The following MARCHF1 variants were observed in gnomAD, a reference collection of about 807,000 sequenced individuals.
MARCHF1 encodes E3 ubiquitin-protein ligase MARCHF1.
Under a neutral mutation model 54.2 loss-of-function variants are expected in MARCHF1, and 40 were observed. The ratio of observed to expected loss-of-function variants is 0.74; its 90% CI spans 0.57 to 0.96. The LOEUF (loss-of-function observed/expected upper bound fraction) is 0.96. Ranked by LOEUF, MARCHF1 falls within the 40% of genes least tolerant of loss-of-function variation. The pLI is 0.00. For synonymous variants in MARCHF1, 236 were observed against 236.3 expected (o/e 1.00, Z 0.01); for missense variants, 586 against 656.5 (o/e 0.89, Z 1.17).
chr4:164,351,863 A>C (rs1730349703), intron 1 of MARCHF1, among the ~76,000 whole-genome samples: 1 of 151,784 alleles, frequency 6.6e-6, no homozygotes, highest in Non-Finnish European at 1.5e-5. Flanking sequence ...AAAACTTTGA[A>C]AAAAATTTAG....
At chr4:164,114,883 C>G (rs934161438) in intron 1 of MARCHF1, among the ~76,000 whole-genome samples, 1 of 151,252 alleles carries the variant, frequency 6.6e-6, no homozygotes, top group Non-Finnish European at 1.5e-5. Flanking sequence ...GATGGAATGG[C>G]ACATGAAATT....
intron 7 of MARCHF1, among the ~76,000 whole-genome samples, chr4:163,593,170 A>G (rs1191533860): frequency 6.6e-6 from 1 of 152,194 alleles, no homozygotes; most frequent in Admixed American, 6.6e-5. Context: ...GTAAATAGAT[A>G]ATATATATTG....
At position 163,846,183 on chromosome 4, in the gene MARCHF1, A is replaced by C. The variant is rs550869563; in HGVS notation, c.111+7838T>G. On this transcript the variant is annotated intron_variant, in intron 4 of 9. Coordinates refer to ENST00000514618, the MANE Select transcript of MARCHF1 (RefSeq NM_001394959.1). The stretch of plus-strand genomic sequence containing the variant: ...AGAATTAAAAGGAGGGAGAAAAATG[A>C]GGAACCGCAACTGAAAACTCTATCT... 2.5e-3 allele frequency among the ~76,000 whole-genome samples: 387 copies of C among 152,356 alleles called. 3 individuals carry two copies. The highest frequency in any genetic ancestry group is 8.8e-3 in the African/African-American group (364 of 41,598).
intron 5 of MARCHF1, among the ~76,000 whole-genome samples, chr4:163,620,061 C>T (rs574922164): frequency 4.1e-4 from 63 of 152,102 alleles, no homozygotes; most frequent in Non-Finnish European, 6.5e-4. Flanking sequence ...AGATCTTTCA[C>T]GGATCAAGAA....
chr4:163,631,528 G>C (rs1742081626), intron 5 of MARCHF1, among the ~76,000 whole-genome samples: 1 of 152,132 alleles, frequency 6.6e-6, no homozygotes, highest in Middle Eastern at 3.2e-3. Context: ...TTGTCTATTG[G>C]TTTGAGTATT....
intron 5 of MARCHF1, among the ~76,000 whole-genome samples, chr4:163,697,104 C>T (rs1744658797): frequency 6.6e-6 from 1 of 152,086 alleles, no homozygotes; most frequent in Non-Finnish European, 1.5e-5. Context: ...GCAGGGTGTG[C>T]TGGGATGTGC....
intron 2 of MARCHF1, among the ~76,000 whole-genome samples, chr4:164,028,372 C>T (rs1393150326): frequency 1.3e-5 from 2 of 152,076 alleles, no homozygotes; most frequent in Non-Finnish European, 2.9e-5. Flanking sequence ...ACATACACAC[C>T]AAGAAATACT....
intron 2 of MARCHF1, among the ~76,000 whole-genome samples, chr4:164,002,438 T>C (rs549371052): frequency 6.6e-6 from 1 of 151,744 alleles, no homozygotes; most frequent in Non-Finnish European, 1.5e-5. Flanking sequence ...AAAAATTCAC[T>C]ATGTAAATGT....
At position 163,933,289 on chromosome 4, in the gene MARCHF1, A is replaced by C. The variant is rs1751721826; in HGVS notation, c.-39+55212T>G. 6 of 623,534 alleles carry C rather than the reference A, an allele frequency of 9.6e-6. No homozygotes were observed. The Admixed American group carries it at 1.2e-4, about 12-fold the overall frequency. 38.6% of individuals were successfully genotyped at this position (623,534 alleles called of 1,614,324 possible). On this transcript the variant is annotated intron_variant, in intron 3 of 9. Coordinates refer to ENST00000514618, the MANE Select transcript of MARCHF1 (RefSeq NM_001394959.1). ...GGGTGTCATCCTTCTTCCCTTCAAG[A>C]AACCTTTTTACATATCTCCATTCCT...
chr4:163,981,969 A>G (rs1349774384), intron 3 of MARCHF1, among the ~76,000 whole-genome samples: 1 of 152,200 alleles, frequency 6.6e-6, no homozygotes, highest in Non-Finnish European at 1.5e-5. Context: ...AAAAATACGG[A>G]CCAGGGTGTG....
chr4:164,189,267 G>T, intron 1 of MARCHF1: 1 of 586,544 alleles, frequency 1.7e-6, no homozygotes, highest in Non-Finnish European at 3.1e-6. Flanking sequence ...AGGCCAGATG[G>T]GCCCTGTCTC....
At chr4:163,609,937 A>G (rs1741276691) in intron 7 of MARCHF1, among the ~76,000 whole-genome samples, 1 of 152,048 alleles carries the variant, frequency 6.6e-6, no homozygotes, top group South Asian at 2.1e-4. Context: ...CTTATTTTAA[A>G]GAGTTATTTT....
intron 4 of MARCHF1, among the ~76,000 whole-genome samples, chr4:163,707,552 T>TGATA (rs1744984511): frequency 6.6e-6 from 1 of 151,572 alleles, no homozygotes; most frequent in Non-Finnish European, 1.5e-5. Flanking sequence ...AATTTAAGAG[T>TGATA]GATAGCTTCT....
chr4:164,292,667 T>C (rs1275866565), intron 1 of MARCHF1, among the ~76,000 whole-genome samples: 1 of 152,122 alleles, frequency 6.6e-6, no homozygotes, highest in African/African-American at 2.4e-5. Context: ...GCAAACATAA[T>C]TTACCACCAT....
At chr4:164,247,984 C>A in intron 1 of MARCHF1, among the ~76,000 whole-genome samples, 1 of 151,442 alleles carries the variant, frequency 6.6e-6, no homozygotes, top group Non-Finnish European at 1.5e-5. Flanking sequence ...ATCTACCACA[C>A]TGTCTCATAA....
At chr4:164,257,051 GA>G (rs1189847593) in intron 1 of MARCHF1, among the ~76,000 whole-genome samples, 9 of 152,022 alleles carry the variant, frequency 5.9e-5, no homozygotes, top group African/African-American at 2.2e-4. Flanking sequence ...CATAAGCATG[GA>G]ATTTATCCTT....
intron 3 of MARCHF1, among the ~76,000 whole-genome samples, chr4:163,960,869 A>G (rs979367383): frequency 7.9e-5 from 12 of 151,766 alleles, no homozygotes; most frequent in Admixed American, 6.6e-5. Flanking sequence ...ATTTCTCACA[A>G]TTCTAGGGAC....
chr4:163,898,731 C>A (rs768617848), intron 3 of MARCHF1, among the ~76,000 whole-genome samples: 25 of 152,150 alleles, frequency 1.6e-4, no homozygotes, highest in Non-Finnish European at 3.4e-4. Context: ...AAGACACCTG[C>A]ACTTGTATAT....
At chr4:164,074,588 G>C (rs1222350774) in intron 2 of MARCHF1, among the ~76,000 whole-genome samples, 3 of 151,994 alleles carry the variant, frequency 2.0e-5, no homozygotes, top group African/African-American at 7.2e-5. Flanking sequence ...ATAGGTATTT[G>C]TTTAAACAAA....
Sources: gnomAD v4.1 joint callset for allele counts (sites outside exome capture counted in the v4.1 genomes callset) on GRCh38, gnomAD v4.1.1 for gene constraint, MANE v1.5 for transcripts, NCBI Gene and HGNC (gene_info 2026-07-23, HGNC 2026-07-21) for gene names.